The following NDUFV3 variants were observed in gnomAD, a reference collection of about 807,000 sequenced individuals.
NDUFV3 encodes the protein NADH:ubiquinone oxidoreductase subunit V3, also known as NADH dehydrogenase [ubiquinone] flavoprotein 3, mitochondrial.
NDUFV3 carries 44 observed loss-of-function variants against 37.5 expected under a neutral mutation model. The observed-to-expected ratio is 1.17, with a 90% CI of 0.92 to 1.51. The LOEUF is 1.51. Among genes scored for constraint, NDUFV3 ranks in the 40% most tolerant of loss-of-function variants. The pLI is 0.00. For missense variants in NDUFV3, 580 were observed against 580.4 expected (o/e 1.00, Z 0.01); for synonymous variants, 235 against 239.3 (o/e 0.98, Z 0.17).
chr21:42,893,433 G>A (rs1215947364), intron 1 of NDUFV3, 52 bp downstream of exon 1: 3 of 1,530,252 alleles, frequency 2.0e-6, no homozygotes, highest in Non-Finnish European at 2.6e-6. Flanking sequence ...CCTACGTAGG[G>A]GATGGGGTGA....
At chr21:42,905,668 A>T (rs1375100780) in intron 3 of NDUFV3, among the ~76,000 whole-genome samples, 8 of 151,840 alleles carry the variant, frequency 5.3e-5, no homozygotes, top group Non-Finnish European at 1.2e-4. Context: ...GGCGTGTGGC[A>T]CCACCCCCGG....
At chr21:42,908,604 A>C (rs546585336) in intron 3 of NDUFV3, among the ~76,000 whole-genome samples, 2 of 148,060 alleles carry the variant, frequency 1.4e-5, no homozygotes, top group Admixed American at 1.3e-4. Context: ...AGCTGTTCAC[A>C]GATAGGGTTG....
At chr21:42,904,693 C>T (rs2058734022) in intron 3 of NDUFV3, among the ~76,000 whole-genome samples, 2 of 151,930 alleles carry the variant, frequency 1.3e-5, no homozygotes, top group African/African-American at 4.8e-5. Flanking sequence ...ACCGTGTTGG[C>T]CAGGCTGGCC....
At chr21:42,904,955 TA>T (rs2058735237) in intron 3 of NDUFV3, among the ~76,000 whole-genome samples, 1 of 151,558 alleles carries the variant, frequency 6.6e-6, no homozygotes, top group Non-Finnish European at 1.5e-5. Flanking sequence ...CATGTCCAGC[TA>T]ATTTTTGTAT....
intron 2 of NDUFV3, among the ~76,000 whole-genome samples, chr21:42,897,674 A>G (rs2058699066): frequency 7.0e-6 from 1 of 143,082 alleles, no homozygotes; most frequent in African/African-American, 2.6e-5. Context: ...CGCCCGGCCT[A>G]AATCTTTAAT....
chr21:42,895,116 G>C (rs1275605962), intron 1 of NDUFV3, among the ~76,000 whole-genome samples: 1 of 152,138 alleles, frequency 6.6e-6, no homozygotes, highest in African/African-American at 2.4e-5. Flanking sequence ...CCAGTACTTT[G>C]GGAGGCCAAG....
rs546348670 is a variant in NDUFV3 at position 42,895,339 on chromosome 21, G to A, written c.49-1588G>A. On this transcript the variant is annotated intron_variant, in intron 1 of 3. Coordinates refer to ENST00000354250, the MANE Select transcript of NDUFV3 (RefSeq NM_021075.4). ...CTCTACTAAATACAAAAACTTGGCC[G>A]GGCATGGTGATGCATGCCTGTAATC... Among the ~76,000 whole-genome samples, 21 of 152,186 alleles carry A rather than the reference G, an allele frequency of 1.4e-4. No homozygotes were observed. The East Asian group carries it at 3.1e-3, about 22-fold the overall frequency.
chr21:42,897,668 C>T (rs1418005935), intron 2 of NDUFV3, among the ~76,000 whole-genome samples: 3 of 151,914 alleles, frequency 2.0e-5, no homozygotes, highest in Non-Finnish European at 2.9e-5. Flanking sequence ...CCACTGCGCC[C>T]GGCCTAAATC....
chr21:42,895,150 G>A (rs2058684985), intron 1 of NDUFV3, among the ~76,000 whole-genome samples: 4 of 152,082 alleles, frequency 2.6e-5, no homozygotes, highest in Admixed American at 2.6e-4. Flanking sequence ...TTGAGGTCAG[G>A]CATTCGAGAC....
chr21:42,906,455 C>CA (rs2058742358), intron 3 of NDUFV3, among the ~76,000 whole-genome samples: 1 of 152,132 alleles, frequency 6.6e-6, no homozygotes, highest in East Asian at 1.9e-4. Flanking sequence ...ATCAGTACGC[C>CA]AAGTGCCGGT....
At chr21:42,899,634 G>A (rs964921754) in intron 2 of NDUFV3, among the ~76,000 whole-genome samples, 9 of 152,194 alleles carry the variant, frequency 5.9e-5, no homozygotes, top group African/African-American at 1.2e-4. Flanking sequence ...TAGTAGAGAC[G>A]GGGTTTCACC....
At chr21:42,897,939 G>A (rs2058701180) in intron 2 of NDUFV3, among the ~76,000 whole-genome samples, 1 of 152,212 alleles carries the variant, frequency 6.6e-6, no homozygotes, top group Non-Finnish European at 1.5e-5. Flanking sequence ...GCCTCCCAGA[G>A]TGCTGGAATT....
intron 2 of NDUFV3, among the ~76,000 whole-genome samples, chr21:42,901,701 C>T (rs2058718445): frequency 6.6e-6 from 1 of 152,140 alleles, no homozygotes; most frequent in Non-Finnish European, 1.5e-5. Context: ...CTTCCCCAGT[C>T]CTCAACAACC....
rs2058760728 is a variant in NDUFV3 at position 42,909,614 on chromosome 21, T to G, written c.*593T>G. On this transcript the variant is annotated 3_prime_UTR_variant, in exon 4 of 4. Coordinates refer to ENST00000354250, the MANE Select transcript of NDUFV3 (RefSeq NM_021075.4). ...TTTAAGTGCTTTAGAGCGGTGTGAT[T>G]CTACTGTGCTCAGCCTAGTCAATTT... 1 of 163,124 alleles carries G rather than the reference T, an allele frequency of 6.1e-6. No homozygotes were observed. Among genetic ancestry groups the G allele is most frequent in the Non-Finnish European group, 1.4e-5 (1 of 73,684 alleles). 10.1% of individuals were successfully genotyped at this position (163,124 alleles called of 1,614,324 possible). A position where few individuals can be genotyped will look rare whatever the true frequency, so the allele number is the denominator to read the frequency against.
intron 2 of NDUFV3, among the ~76,000 whole-genome samples, chr21:42,897,965 CGT>C (rs1353151276): frequency 4.6e-5 from 7 of 152,130 alleles, no homozygotes; most frequent in East Asian, 1.9e-4. Context: ...CGTGAGCCAC[CGT>C]GCCCAGTCCT....
intron 2 of NDUFV3, among the ~76,000 whole-genome samples, chr21:42,902,432 T>C (rs1318293494): frequency 6.6e-6 from 1 of 152,200 alleles, no homozygotes; most frequent in African/African-American, 2.4e-5. Flanking sequence ...TGCTAATCTA[T>C]GTTTCACACC....
In NDUFV3 at chr21:42,911,530, C is replaced by T. The variant is rs1242999219; in HGVS notation, c.*2509C>T. ...GATCTCAGCTCACTGCAGCCTCGTC[C>T]TCCCAGGCCCAAGCAATCCTCCCAT... On this transcript the variant is annotated 3_prime_UTR_variant, in exon 4 of 4. Transcript: ENST00000354250. The T allele has an allele frequency of 1.4e-5, 2 of 148,124 alleles. No individual in the cohort carries two copies. The highest frequency in any genetic ancestry group is 5.0e-5 in the African/African-American group (2 of 40,192). The allele number at this position is 148,124 out of a possible 1,614,324, so 9.2% of individuals were successfully genotyped here.
intron 3 of NDUFV3, among the ~76,000 whole-genome samples, chr21:42,906,248 C>T (rs1456679730): frequency 3.9e-5 from 6 of 152,162 alleles, no homozygotes; most frequent in East Asian, 1.9e-4. Flanking sequence ...GGCAAGCTTC[C>T]GTTTTAGAAT....
At chr21:42,896,794 G>A (rs1265324582) in intron 1 of NDUFV3, 133 bp from the exon 2 acceptor site, 2 of 835,786 alleles carry the variant, frequency 2.4e-6, no homozygotes, top group African/African-American at 3.5e-5. Context: ...AGCCATGATT[G>A]TGCCACTGCA....
Sources: gnomAD v4.1 joint callset for allele counts (sites outside exome capture counted in the v4.1 genomes callset) on GRCh38, gnomAD v4.1.1 for gene constraint, MANE v1.5 for transcripts, NCBI Gene and HGNC (gene_info 2026-07-23, HGNC 2026-07-21) for gene names.